The following NRIP1 variants were observed in gnomAD, a reference collection of about 807,000 sequenced individuals.
NRIP1 encodes nuclear receptor interacting protein 1.
Under a neutral mutation model 75.0 loss-of-function variants are expected in NRIP1, and 28 were observed. The observed-to-expected ratio is 0.37, with a 90% CI of 0.28 to 0.51. The LOEUF is 0.51. NRIP1 is among the 20% of genes least tolerant of loss of function. NRIP1 has a pLI of 0.92. For missense variants in NRIP1, 1,435 were observed against 1,343.7 expected, an observed-to-expected ratio of 1.07 and a Z score of -1.06; for synonymous variants, 526 against 487.6, an observed-to-expected ratio of 1.08 and a Z score of -1.04.
chr21:15,059,998 T>G (rs774422119), intron 1 of NRIP1, among the ~76,000 whole-genome samples: 7 of 152,170 alleles, frequency 4.6e-5, no homozygotes, highest in Non-Finnish European at 8.8e-5. Flanking sequence ...AGAAAAATAT[T>G]TTATGTTTCG....
Position 15,039,497 on chromosome 21 carries a change from G to A in NRIP1, c.-458+3998C>T, listed in dbSNP as rs143055301. ...CAAAATCAAACCCACATTAATGTGAGATGGTTTATAGTCTTGATTTATCCC... is the reference window on the plus strand; with the variant it reads ...CAAAATCAAACCCACATTAATGTGAAATGGTTTATAGTCTTGATTTATCCC... On this transcript the variant is annotated intron_variant, in intron 2 of 3. Coordinates refer to ENST00000318948, the MANE Select transcript of NRIP1 (RefSeq NM_003489.4). 8.1e-3 allele frequency among the ~76,000 whole-genome samples: 1,239 copies of A among 152,202 alleles called. 14 individuals are homozygous for A. The highest frequency in any genetic ancestry group is 0.011 in the Non-Finnish European group (723 of 67,942).
intron 3 of NRIP1, among the ~76,000 whole-genome samples, chr21:15,001,270 G>T (rs1189011158): frequency 6.6e-6 from 1 of 152,110 alleles, no homozygotes; most frequent in African/African-American, 2.4e-5. Flanking sequence ...GTAATCGAAG[G>T]ATCAGGATGG....
chr21:14,996,221 C>T (rs942568348), intron 3 of NRIP1, among the ~76,000 whole-genome samples: 6 of 152,154 alleles, frequency 3.9e-5, no homozygotes, highest in African/African-American at 1.4e-4. Context: ...GTACTAAGTC[C>T]TTCCTCCAAG....
At chr21:15,042,614 G>A (rs1303253096) in intron 2 of NRIP1, among the ~76,000 whole-genome samples, 1 of 152,176 alleles carries the variant, frequency 6.6e-6, no homozygotes, top group East Asian at 1.9e-4. Context: ...TTATAAAAGA[G>A]GTCCCAATAA....
At chr21:15,024,592 G>GTGTGTC (rs781320426) in intron 2 of NRIP1, among the ~76,000 whole-genome samples, 3 of 151,272 alleles carry the variant, frequency 2.0e-5, no homozygotes, top group Non-Finnish European at 2.9e-5. Context: ...GTGTGTGTGT[G>GTGTGTC]TGTGTCTGTG....
intron 3 of NRIP1, among the ~76,000 whole-genome samples, chr21:15,000,049 T>C (rs901118183): frequency 2.0e-5 from 3 of 152,138 alleles, no homozygotes; most frequent in Non-Finnish European, 2.9e-5. Flanking sequence ...GATCTGCATA[T>C]GAGGGGAAAG....
At chr21:14,977,828 C>T (rs1237122129) in intron 3 of NRIP1, among the ~76,000 whole-genome samples, 1 of 152,250 alleles carries the variant, frequency 6.6e-6, no homozygotes, top group East Asian at 1.9e-4. Context: ...TACAATTTAA[C>T]AGATGCCAAA....
chr21:14,994,590 AT>A (rs984431101), intron 3 of NRIP1, among the ~76,000 whole-genome samples: 20 of 152,232 alleles, frequency 1.3e-4, no homozygotes, highest in Admixed American at 4.6e-4. Context: ...AGAAATTTTC[AT>A]TGGAATTTCA....
intron 3 of NRIP1, among the ~76,000 whole-genome samples, chr21:14,969,606 GT>G (rs2086850555): frequency 6.6e-6 from 1 of 152,192 alleles, no homozygotes; most frequent in Non-Finnish European, 1.5e-5. Flanking sequence ...ATTCCATGCA[GT>G]TTGTTTTTCA....
At chr21:15,012,369 G>T (rs1041204732) in intron 3 of NRIP1, among the ~76,000 whole-genome samples, 7 of 150,376 alleles carry the variant, frequency 4.7e-5, no homozygotes, top group Non-Finnish European at 1.0e-4. Context: ...TATGTGAAAG[G>T]AATATAGAAA....
At chr21:15,013,426 T>G (rs2088156815) in intron 3 of NRIP1, among the ~76,000 whole-genome samples, 1 of 152,218 alleles carries the variant, frequency 6.6e-6, no homozygotes, top group African/African-American at 2.4e-5. Flanking sequence ...CATTCCCTTT[T>G]TGAAACACTG....
At chr21:14,985,450 T>C (rs897620251) in intron 3 of NRIP1, among the ~76,000 whole-genome samples, 1 of 152,168 alleles carries the variant, frequency 6.6e-6, no homozygotes, top group Non-Finnish European at 1.5e-5. Context: ...AATATTATGG[T>C]AGAAAACCCA....
chr21:15,002,534 C>A (rs756081339), intron 3 of NRIP1, among the ~76,000 whole-genome samples: 5 of 152,090 alleles, frequency 3.3e-5, no homozygotes, highest in African/African-American at 7.2e-5. Flanking sequence ...GATGTGTCTA[C>A]TTCGGTGAAC....
intron 3 of NRIP1, among the ~76,000 whole-genome samples, chr21:15,005,765 A>C (rs560197732): frequency 2.5e-4 from 38 of 152,302 alleles, no homozygotes; most frequent in African/African-American, 7.7e-4. Flanking sequence ...TTCTGGAGAG[A>C]GGGTTTACCT....
rs117084562 is a variant in NRIP1 at position 14,968,064 on chromosome 21, C to T, written c.129G>A (p.Gly43=). 5.0e-6 allele frequency: 8 copies of T among 1,614,032 alleles called. No homozygotes were observed. Among genetic ancestry groups the T allele is most frequent in the African/African-American group, 2.7e-5 (2 of 75,020 alleles). Residue 43 remains glycine, a synonymous_variant, in exon 4 of 4, where the codon GGG becomes GGA. Transcript: ENST00000318948. Reference sequence around the variant, plus strand: ...TAAAGTTCTGATCCTCTTCATTATGCCCAGCAGACTTTTTGTCAACGGCAG... The same window carrying T: ...TAAAGTTCTGATCCTCTTCATTATGTCCAGCAGACTTTTTGTCAACGGCAG... ...SGTAVDKKSA[G]HNEEDQNFNI...
chr21:15,020,093 T>C (rs1408253054), intron 2 of NRIP1, among the ~76,000 whole-genome samples: 1 of 152,086 alleles, frequency 6.6e-6, no homozygotes, highest in Non-Finnish European at 1.5e-5. Context: ...CGTAATCTTT[T>C]TCTAGAAATT....
rs531581165 is a variant in NRIP1, at chr21:14,964,418, T to C, written c.*298A>G. ...AATCCACTATGAATGGAGTTTTACA[T>C]TTTAATTTATGCCTAATATTTATAA... On this transcript the variant is annotated 3_prime_UTR_variant, in exon 4 of 4. Transcript: ENST00000318948. 1 of 225,188 alleles carries C rather than the reference T, an allele frequency of 4.4e-6. No individual in the cohort carries two copies. The highest frequency in any genetic ancestry group is 9.3e-5 in the East Asian group (1 of 10,804). 13.9% of individuals were successfully genotyped at this position (225,188 alleles called of 1,614,324 possible).
intron 3 of NRIP1, chr21:14,974,154 T>TTTGGCCCC (rs2146972994): frequency 6.6e-6 from 1 of 152,302 alleles, no homozygotes; most frequent in Non-Finnish European, 1.5e-5. Context: ...TTTTTTTTCA[T>TTTGGCCCC]AAGAATTTAA....
At chr21:15,050,855 C>G in intron 1 of NRIP1, 2 of 456,006 alleles carry the variant, frequency 4.4e-6, no homozygotes, top group Non-Finnish European at 8.8e-6. Context: ...ACCCATACAC[C>G]CAGGAGGCAA....
Sources: gnomAD v4.1 joint callset for allele counts (sites outside exome capture counted in the v4.1 genomes callset) on GRCh38, gnomAD v4.1.1 for gene constraint, MANE v1.5 for transcripts, NCBI Gene and HGNC (gene_info 2026-07-23, HGNC 2026-07-21) for gene names.